The following AOPEP variants were observed in gnomAD, a reference collection of about 807,000 sequenced individuals.
AOPEP encodes the protein aminopeptidase O (putative).
A neutral mutation model predicts 98.1 loss-of-function variants in AOPEP; 77 were observed. The ratio of observed to expected loss-of-function variants is 0.78; its 90% confidence interval spans 0.65 to 0.95. The LOEUF (loss-of-function observed/expected upper bound fraction) is 0.95. AOPEP is among the 40% of genes least tolerant of loss of function. The pLI, the probability that AOPEP is intolerant of heterozygous loss-of-function variation, is 0.00. For missense variants in AOPEP, 1,024 were observed against 1,024.7 expected, an observed-to-expected ratio of 1.00 and a Z score of 0.01; for synonymous variants, 346 against 365.3, an observed-to-expected ratio of 0.95 and a Z score of 0.60.
intron 5 of AOPEP, among the ~76,000 whole-genome samples, chr9:94,874,403 T>C (rs2046684261): frequency 1.3e-5 from 2 of 152,152 alleles, no homozygotes; most frequent in Admixed American, 6.5e-5. Context: ...AATCGAGTTA[T>C]TTTTATAATG....
chr9:95,108,576 A>ATAAC, the AOPEP span, among the ~76,000 whole-genome samples: 1 of 152,242 alleles, frequency 6.6e-6, no homozygotes, highest in Admixed American at 6.5e-5. Flanking sequence ...TTGAACACCG[A>ATAAC]TAACTAACTT....
In AOPEP at chr9:94,800,935, G is replaced by A. The variant is rs2133746964; in HGVS notation, c.1297G>A (p.Ala433Thr). ...CLSAAHSVLG[A>T]HPFSRLDVLI... is the part of the protein sequence containing the mutation. ...CTCAGCAGCACATTCTGTTCTGGGAGCACACCCGTTCTCTCGGCTGGATGT... is the reference window on the plus strand; with the variant it reads ...CTCAGCAGCACATTCTGTTCTGGGAACACACCCGTTCTCTCGGCTGGATGT... Residue 433 changes from alanine (A) to threonine (T), a missense_variant, in exon 5 of 17, where the codon GCA becomes ACA. By Grantham distance (58) the Ala-to-Thr change is moderately conservative (BLOSUM62 0). Coordinates refer to ENST00000375315, the MANE Select transcript of AOPEP (RefSeq NM_001193329.3). 6.2e-7 allele frequency: 1 copy of A among 1,614,154 alleles called. No homozygotes were observed. The highest frequency in any genetic ancestry group is 8.5e-7 in the Non-Finnish European group (1 of 1,180,032).
intron 5 of AOPEP, among the ~76,000 whole-genome samples, chr9:94,860,926 A>T (rs1349658267): frequency 1.3e-5 from 2 of 152,214 alleles, no homozygotes; most frequent in Non-Finnish European, 2.9e-5. Flanking sequence ...AGCTCTGGCT[A>T]GTCCATGTTA....
chr9:94,770,810 C>T (rs1212679934), intron 2 of AOPEP, among the ~76,000 whole-genome samples: 1 of 152,136 alleles, frequency 6.6e-6, no homozygotes, highest in African/African-American at 2.4e-5. Context: ...CTGCAACTGC[C>T]TGTTTGCTCT....
At chr9:94,994,539 A>T (rs1402567110) in intron 11 of AOPEP, among the ~76,000 whole-genome samples, 2 of 152,240 alleles carry the variant, frequency 1.3e-5, no homozygotes, top group African/African-American at 2.4e-5. Flanking sequence ...GTCTGACTTA[A>T]AAGCCTTCAT....
At chr9:95,005,483 G>A in intron 12 of AOPEP, 59 bp from the exon 13 acceptor site, 2 of 1,488,424 alleles carry the variant, frequency 1.3e-6, no homozygotes, top group Non-Finnish European at 1.9e-6. Context: ...TCTCGCGCTG[G>A]GGGATGGCCG....
the AOPEP span, among the ~76,000 whole-genome samples, chr9:95,117,950 G>A: frequency 2.0e-5 from 3 of 151,480 alleles, no homozygotes; most frequent in Non-Finnish European, 4.4e-5. Context: ...TCGAACTCCC[G>A]ACCTCAGGTG....
intron 7 of AOPEP, among the ~76,000 whole-genome samples, chr9:94,953,892 C>A (rs1190969366): frequency 2.6e-5 from 4 of 152,154 alleles, no homozygotes; most frequent in African/African-American, 9.7e-5. Flanking sequence ...CTGCACAAAT[C>A]TTTACTAGAT....
At chr9:95,025,925 A>T (rs7022739) in intron 13 of AOPEP, among the ~76,000 whole-genome samples, 2 of 152,060 alleles carry the variant, frequency 1.3e-5, no homozygotes, top group Non-Finnish European at 1.5e-5. Context: ...GTAAGCTCCG[A>T]GTGGTTAAGC....
rs140331073 is a variant in AOPEP at position 95,002,917 on chromosome 9, A to G, written c.1978-2241A>G. ...CAAAGGACAAACGAGACAAGAGGCA[A>G]TTAGGATGGGTCACAGCTTTTGCTT... On this transcript the variant is annotated intron_variant, in intron 11 of 16. Transcript: ENST00000375315. 3.3e-5 allele frequency among the ~76,000 whole-genome samples: 5 copies of G among 152,316 alleles called. No homozygotes were observed. In the East Asian group the frequency reaches 7.7e-4, roughly 24 times the overall value.
chr9:95,029,151 A>G (rs936256189), intron 13 of AOPEP, among the ~76,000 whole-genome samples: 9 of 152,188 alleles, frequency 5.9e-5, no homozygotes, highest in Non-Finnish European at 8.8e-5. Flanking sequence ...TGCCGTGACC[A>G]ACATGAAATC....
intron 2 of AOPEP, among the ~76,000 whole-genome samples, chr9:94,769,076 C>T (rs1208564206): frequency 2.0e-5 from 3 of 152,196 alleles, no homozygotes; most frequent in Non-Finnish European, 2.9e-5. Flanking sequence ...ATATAGTTCT[C>T]ATTTGAATGT....
chr9:95,016,352 C>A (rs1162739547), intron 13 of AOPEP, among the ~76,000 whole-genome samples: 1 of 149,782 alleles, frequency 6.7e-6, no homozygotes, highest in African/African-American at 2.5e-5. Context: ...AAGCCATTCT[C>A]CCTGCCTCAG....
the AOPEP span, among the ~76,000 whole-genome samples, chr9:95,093,160 G>A: frequency 4.6e-5 from 7 of 152,220 alleles, no homozygotes; most frequent in African/African-American, 1.7e-4. Flanking sequence ...AAGCGTGGAG[G>A]AAGTGACTGC....
chr9:95,062,490 C>T (rs186414816), intron 14 of AOPEP, among the ~76,000 whole-genome samples: 75 of 152,282 alleles, frequency 4.9e-4, no homozygotes, highest in Admixed American at 4.6e-3. Context: ...CGGGATGTAG[C>T]GGCTGCAAGT....
At chr9:94,729,061 A>G (rs569301034) in intron 1 of AOPEP, among the ~76,000 whole-genome samples, 1 of 152,334 alleles carries the variant, frequency 6.6e-6, no homozygotes, top group East Asian at 1.9e-4. Context: ...TGTCCCACCA[A>G]AGTTGGAGTC....
At chr9:95,053,913 CT>C (rs1564578404) in intron 13 of AOPEP, among the ~76,000 whole-genome samples, 2 of 152,166 alleles carry the variant, frequency 1.3e-5, no homozygotes, top group African/African-American at 4.8e-5. Context: ...CGAGGTCTCA[CT>C]GTGTTGCTCA....
At chr9:94,747,741 G>A (rs1173419327) in intron 1 of AOPEP, among the ~76,000 whole-genome samples, 1 of 152,076 alleles carries the variant, frequency 6.6e-6, no homozygotes, top group Admixed American at 6.6e-5. Context: ...TTAGCAAGTC[G>A]GGGAGATATG....
intron 5 of AOPEP, chr9:94,900,339 A>G (rs1169453218): frequency 6.6e-6 from 1 of 152,264 alleles, no homozygotes; most frequent in Non-Finnish European, 1.5e-5. Context: ...CTGCTAATGT[A>G]AGCACTATTC....
Sources: allele counts gnomAD v4.1 joint callset (sites outside exome capture counted in the v4.1 genomes callset), GRCh38; gene constraint gnomAD v4.1.1; transcripts MANE v1.5; gene names NCBI Gene and HGNC (gene_info 2026-07-23, HGNC 2026-07-21).